Variants in RFX7 observed in about 807,000 individuals in gnomAD.
The protein encoded by RFX7 is regulatory factor X7.
A neutral mutation model predicts 111.8 loss-of-function variants in RFX7; 26 were observed. The ratio of observed to expected loss-of-function variants is 0.23; its 90% CI spans 0.17 to 0.32. RFX7 has a LOEUF of 0.32. Among genes scored for constraint, RFX7 ranks in the 10% least tolerant of loss-of-function variants. The pLI, the probability that RFX7 is intolerant of heterozygous loss-of-function variation, is 1.00. For synonymous variants in RFX7, 624 were observed against 624.4 expected, an observed-to-expected ratio of 1.00 and a Z score of 0.01; for missense variants, 1,573 against 1,772.9, an observed-to-expected ratio of 0.89 and a Z score of 2.02.
intron 5 of RFX7, among the ~76,000 whole-genome samples, chr15:56,117,457 C>T (rs1324624998): frequency 6.6e-6 from 1 of 152,134 alleles, no homozygotes; most frequent in African/African-American, 2.4e-5. Context: ...GGGTAATTAG[C>T]ATATCTATCA....
intron 7 of RFX7, 49 bp from the exon 8 acceptor site, chr15:56,101,615 T>A: frequency 1.4e-6 from 2 of 1,460,138 alleles, no homozygotes; most frequent in Non-Finnish European, 1.9e-6. Flanking sequence ...CCAGAGAAAT[T>A]AAATTGAAGC....
At chr15:56,233,355 G>C (rs2043589125) in intron 2 of RFX7, among the ~76,000 whole-genome samples, 1 of 152,176 alleles carries the variant, frequency 6.6e-6, no homozygotes, top group South Asian at 2.1e-4. Flanking sequence ...CATGAGAACA[G>C]TATGGGGGAA....
intron 2 of RFX7, among the ~76,000 whole-genome samples, chr15:56,189,236 A>T (rs1232582442): frequency 2.0e-5 from 3 of 152,096 alleles, no homozygotes; most frequent in Non-Finnish European, 4.4e-5. Context: ...ATTTTTTTTT[A>T]AAAAGCCAGG....
intron 5 of RFX7, among the ~76,000 whole-genome samples, chr15:56,142,510 A>G (rs1229753060): frequency 6.6e-6 from 1 of 152,144 alleles, no homozygotes; most frequent in Non-Finnish European, 1.5e-5. Flanking sequence ...TTTATTCACC[A>G]ATCCTACACC....
intron 3 of RFX7, among the ~76,000 whole-genome samples, chr15:56,146,374 C>G (rs532848802): frequency 2.0e-5 from 3 of 152,052 alleles, no homozygotes; most frequent in Non-Finnish European, 4.4e-5. Flanking sequence ...TGCTGGGATG[C>G]TAGGTATGAA....
At chr15:56,127,846 G>A (rs1052437143) in intron 5 of RFX7, among the ~76,000 whole-genome samples, 4 of 149,758 alleles carry the variant, frequency 2.7e-5, no homozygotes, top group East Asian at 2.0e-4. Flanking sequence ...GCGCCCGGCC[G>A]AAAAGATTAA....
At chr15:56,166,533 T>C (rs1346970771) in intron 3 of RFX7, among the ~76,000 whole-genome samples, 11 of 152,168 alleles carry the variant, frequency 7.2e-5, no homozygotes, top group African/African-American at 2.4e-4. Flanking sequence ...GTAATTTCTC[T>C]TTCTATGCTA....
chr15:56,137,039 T>C (rs527321694), intron 5 of RFX7, among the ~76,000 whole-genome samples: 19 of 152,182 alleles, frequency 1.2e-4, no homozygotes, highest in African/African-American at 4.1e-4. Flanking sequence ...TTGAGAATTT[T>C]TGCATCAATG....
intron 3 of RFX7, among the ~76,000 whole-genome samples, chr15:56,168,095 T>G (rs1030904905): frequency 2.6e-5 from 4 of 152,224 alleles, no homozygotes; most frequent in African/African-American, 9.6e-5. Flanking sequence ...CTGAATTAAA[T>G]GTCTAACTCT....
intron 5 of RFX7, among the ~76,000 whole-genome samples, chr15:56,122,730 C>A (rs1460256775): frequency 8.0e-6 from 1 of 124,312 alleles, no homozygotes. Context: ...TGCGGTTAAG[C>A]TGGCACCCAA....
In RFX7 at chr15:56,091,428, T is replaced by C. The variant is rs2041594491; in HGVS notation, c.*1917A>G. ...ATTTAAAGAGTTTGCTGCAATACTG[T>C]ACAAGGGGTTAAAAATCCTCCAGTC... On this transcript the variant is annotated 3_prime_UTR_variant, in exon 10 of 10. Coordinates refer to ENST00000559447, the MANE Select transcript of RFX7 (RefSeq NM_022841.7). 1 of 152,574 alleles carries C rather than the reference T, an allele frequency of 6.6e-6. No homozygotes were observed. The allele number at this position is 152,574 out of a possible 1,614,324, so 9.5% of individuals were successfully genotyped here. A position where few individuals can be genotyped will look rare whatever the true frequency, so the allele number is the denominator to read the frequency against.
At chr15:56,220,746 T>C (rs2043418239) in intron 2 of RFX7, among the ~76,000 whole-genome samples, 1 of 152,240 alleles carries the variant, frequency 6.6e-6, no homozygotes. Flanking sequence ...AAATCTTTCC[T>C]TTCCCGGTTC....
chr15:56,206,041 A>C (rs2043247300), intron 2 of RFX7, among the ~76,000 whole-genome samples: 2 of 152,194 alleles, frequency 1.3e-5, no homozygotes, highest in South Asian at 4.1e-4. Flanking sequence ...GTGGTTCATC[A>C]AAATATTAAA....
intron 2 of RFX7, among the ~76,000 whole-genome samples, chr15:56,218,331 C>T (rs1433613033): frequency 6.6e-6 from 1 of 151,698 alleles, no homozygotes; most frequent in Non-Finnish European, 1.5e-5. Flanking sequence ...GGGGTTACAC[C>T]ACGTTGGCCA....
At chr15:56,108,551 CAAAAT>C (rs373845572) in intron 5 of RFX7, among the ~76,000 whole-genome samples, 3,758 of 152,206 alleles carry the variant, frequency 0.025, 106 homozygotes, top group Admixed American at 0.076. Context: ...GAACATATCT[CAAAAT>C]AATAAGAGTT....
intron 5 of RFX7, among the ~76,000 whole-genome samples, chr15:56,119,092 C>T (rs2042043921): frequency 6.6e-6 from 1 of 151,844 alleles, no homozygotes; most frequent in Non-Finnish European, 1.5e-5. Flanking sequence ...GGTTATTAAT[C>T]CCTTGTCAGA....
At chr15:56,139,163 G>A (rs2042350535) in intron 5 of RFX7, among the ~76,000 whole-genome samples, 1 of 151,846 alleles carries the variant, frequency 6.6e-6, no homozygotes, top group South Asian at 2.1e-4. Context: ...ATGTTGGCCT[G>A]CCTTGCTAGA....
chr15:56,087,873 T>G lies in RFX7; in HGVS notation c.*5472A>C, dbSNP rs1376552856. The G allele has an allele frequency of 3.3e-6, 1 of 299,678 alleles. No individual in the cohort carries two copies. Among genetic ancestry groups the G allele is most frequent in the Non-Finnish European group, 6.6e-6 (1 of 152,034 alleles). The allele number at this position is 299,678 out of a possible 1,614,324, so 18.6% of individuals were successfully genotyped here. ...TCCCATTTTTATTTTGATGACATTT[T>G]AAGTGATTTAAACATAAATATGACT... On this transcript the variant is annotated 3_prime_UTR_variant, in exon 10 of 10. Transcript: ENST00000559447.
At chr15:56,162,857 T>C (rs1230765922) in intron 3 of RFX7, among the ~76,000 whole-genome samples, 1 of 152,100 alleles carries the variant, frequency 6.6e-6, no homozygotes, top group Non-Finnish European at 1.5e-5. Context: ...AAGTAAATTC[T>C]GCACAGACAT....
Sources: gnomAD v4.1 joint callset for allele counts (sites outside exome capture counted in the v4.1 genomes callset) on GRCh38, gnomAD v4.1.1 for gene constraint, MANE v1.5 for transcripts, NCBI Gene and HGNC (gene_info 2026-07-23, HGNC 2026-07-21) for gene names.